CLEC12A: variants seen among roughly 807,000 people sequenced by gnomAD.
CLEC12A encodes the protein C-type lectin protein CLL-1.
In CLEC12A, 22 loss-of-function variants were observed where a neutral mutation model predicts 26.5. The observed-to-expected ratio is 0.83, with a 90% confidence interval of 0.59 to 1.19. The LOEUF is 1.19. CLEC12A is among the 50% of genes most tolerant of loss of function. The pLI is 0.00. For missense variants in CLEC12A, 353 were observed against 315.6 expected, an observed-to-expected ratio of 1.12 and a Z score of -0.90; for synonymous variants, 119 against 101.9, an observed-to-expected ratio of 1.17 and a Z score of -1.01.
intron 1 of CLEC12A, 100 bp downstream of exon 1, chr12:9,971,787 A>G: frequency 1.1e-6 from 1 of 944,878 alleles, no homozygotes. Context: ...TTCAACTTAA[A>G]TTTTCAATTA....
At chr12:9,971,774 C>A (rs2961542) in intron 1 of CLEC12A, 87 bp downstream of exon 1, 1 of 1,093,354 alleles carries the variant, frequency 9.1e-7, no homozygotes, top group South Asian at 2.1e-5. Context: ...GATATAGTTA[C>A]TATTCAACTT....
At position 9,979,318 on chromosome 12, in the gene CLEC12A, C is replaced by A. The variant is rs1305148426; in HGVS notation, c.191-18C>A. The A allele has an allele frequency of 2.6e-6, 4 of 1,539,486 alleles. No homozygotes were observed. The highest frequency in any genetic ancestry group is 2.4e-5 in the South Asian group (2 of 84,088). On this transcript the variant is annotated intron_variant, in intron 2 of 5. Transcript: ENST00000304361. Reference sequence around the variant, plus strand: ...CTATTGAGAATTTACAATTTTTTGTCATTTTTTTAATGTGGAGTTCACGTA... The same window carrying A: ...CTATTGAGAATTTACAATTTTTTGTAATTTTTTTAATGTGGAGTTCACGTA...
chr12:9,971,770 G>T (rs1864137394), intron 1 of CLEC12A, 83 bp downstream of exon 1: 2 of 1,193,622 alleles, frequency 1.7e-6, no homozygotes, highest in Admixed American at 2.9e-5. Flanking sequence ...TAGTGATATA[G>T]TTACTATTCA....
chr12:9,961,921 A>T (rs1355031657), intron 1 of CLEC12A, among the ~76,000 whole-genome samples: 1 of 152,184 alleles, frequency 6.6e-6, no homozygotes, highest in South Asian at 2.1e-4. Context: ...ATTGTCCTGA[A>T]GCTCTAGGTA....
chr12:10,001,080 T>C, the CLEC12A span, among the ~76,000 whole-genome samples: 1 of 152,224 alleles, frequency 6.6e-6, no homozygotes, highest in Non-Finnish European at 1.5e-5. Flanking sequence ...ATCAGATATG[T>C]AAAGGTAAGA....
chr12:9,959,778 G>A (rs903694629), intron 1 of CLEC12A, among the ~76,000 whole-genome samples: 2 of 152,142 alleles, frequency 1.3e-5, no homozygotes, highest in African/African-American at 4.8e-5. Flanking sequence ...AAAAGGTCTT[G>A]CCCCTTGCCC....
chr12:9,972,378 T>A (rs780325253), intron 1 of CLEC12A, among the ~76,000 whole-genome samples: 1 of 152,174 alleles, frequency 6.6e-6, no homozygotes, highest in Non-Finnish European at 1.5e-5. Context: ...TGTGTTGACT[T>A]TCACTTAAAC....
Position 9,984,901 on chromosome 12 carries a change from A to T in CLEC12A, c.673A>T (p.Met225Leu), listed in dbSNP as rs1404663208. 9.6e-6 allele frequency: 15 copies of T among 1,564,082 alleles called. No individual in the cohort carries two copies. Among genetic ancestry groups the T allele is most frequent in the Non-Finnish European group, 1.2e-5 (14 of 1,155,892 alleles). The change falls in exon 6 of 6, where the codon ATG becomes TTG. Residue 225 changes from methionine to leucine, a missense_variant. Physicochemically the swap from Met to Leu is conservative, Grantham distance 15. Coordinates refer to ENST00000304361, the MANE Select transcript of CLEC12A (RefSeq NM_138337.6). ...VIRNAPDLNN[M>L]YCGYINRLYV... ...AAGAAACGCACCTGACTTAAATAACATGTATTGTGGATATATAAATAGACT... is the reference window on the plus strand; with the variant it reads ...AAGAAACGCACCTGACTTAAATAACTTGTATTGTGGATATATAAATAGACT...
chr12:9,951,321 AACAGCCTTTC>A (rs1863604786), exon 1 of CLEC12A: 1 of 702,878 alleles, frequency 1.4e-6, no homozygotes, highest in Non-Finnish European at 2.6e-6. Context: ...GCCTAGGAAG[AACAGCCTTTC>A]AAATTTGACT....
intron 2 of CLEC12A, 43 bp from the exon 3 acceptor site, chr12:9,979,293 C>A (rs771573985): frequency 7.2e-7 from 1 of 1,390,672 alleles, no homozygotes; most frequent in Admixed American, 2.1e-5. Flanking sequence ...GATGATGGCT[C>A]TATTGAGAAT....
downstream of CLEC12A, chr12:9,995,739 T>C (rs1865028506): frequency 4.9e-6 from 1 of 203,656 alleles, no homozygotes; most frequent in Non-Finnish European, 1.0e-5. Context: ...ATGATGTCTT[T>C]CTCAAAAGGA....
intron 4 of CLEC12A, chr12:9,991,084 C>T (rs1411896231): frequency 6.6e-6 from 1 of 152,136 alleles, no homozygotes; most frequent in Non-Finnish European, 1.5e-5. Context: ...TAATGTGACT[C>T]ACTTTATTGC....
the CLEC12A span, among the ~76,000 whole-genome samples, chr12:10,005,977 CAGAA>C: frequency 6.6e-6 from 1 of 151,522 alleles, no homozygotes; most frequent in Non-Finnish European, 1.5e-5. Flanking sequence ...AATGTGAGAA[CAGAA>C]AGAACAGAGT....
chr12:9,970,579 A>G (rs1864092326), upstream of CLEC12A, among the ~76,000 whole-genome samples: 1 of 152,168 alleles, frequency 6.6e-6, no homozygotes, highest in Non-Finnish European at 1.5e-5. Flanking sequence ...AAGAAGTGAA[A>G]TAAAAAATAC....
At chr12:9,965,452 G>A (rs868151171) in intron 1 of CLEC12A, among the ~76,000 whole-genome samples, 3 of 150,654 alleles carry the variant, frequency 2.0e-5, no homozygotes, top group African/African-American at 7.3e-5. Context: ...CGGCAATACA[G>A]CCTAGGTAAT....
chr12:9,981,965 T>C (rs1864575344), intron 4 of CLEC12A, 55 bp from the exon 5 acceptor site: 1 of 874,612 alleles, frequency 1.1e-6, no homozygotes, highest in African/African-American at 1.7e-5. Flanking sequence ...CATTATAATG[T>C]AAAATACAAA....
chr12:9,966,329 C>T (rs1401178110), intron 1 of CLEC12A, among the ~76,000 whole-genome samples: 1 of 152,154 alleles, frequency 6.6e-6, no homozygotes, highest in Non-Finnish European at 1.5e-5. Flanking sequence ...CAGTGACAGT[C>T]TTCAGTTGTT....
chr12:9,965,447 A>G (rs573366), intron 1 of CLEC12A, among the ~76,000 whole-genome samples: 80,975 of 146,646 alleles, frequency 0.55, 22,888 homozygotes, highest in South Asian at 0.72. Context: ...CCTTGCGGCA[A>G]TACAGCCTAG....
downstream of CLEC12A, among the ~76,000 whole-genome samples, chr12:9,989,395 C>A (rs528086624): frequency 6.6e-6 from 1 of 152,174 alleles, no homozygotes; most frequent in African/African-American, 2.4e-5. Flanking sequence ...AGTGCTGCTC[C>A]AATGAACACA....
Sources: gnomAD v4.1 joint callset for allele counts (sites outside exome capture counted in the v4.1 genomes callset) on GRCh38, gnomAD v4.1.1 for gene constraint, MANE v1.5 for transcripts, NCBI Gene and HGNC (gene_info 2026-07-23, HGNC 2026-07-21) for gene names.